FNDC1: variants seen among roughly 807,000 people sequenced by gnomAD.
FNDC1 encodes the protein fibronectin type III domain-containing protein 1.
In FNDC1, 96 loss-of-function variants were observed where a neutral mutation model predicts 168.0. The ratio of observed to expected loss-of-function variants is 0.57; its 90% confidence interval spans 0.48 to 0.68. The LOEUF (loss-of-function observed/expected upper bound fraction) is 0.68, where lower values mean the gene tolerates loss of function less well. Ranked by LOEUF, FNDC1 falls within the 30% of genes least tolerant of loss-of-function variation. The probability of loss-of-function intolerance (pLI) is 0.00; values close to 1 mark genes in which losing one functional copy is unlikely to be tolerated. For missense variants in FNDC1, 2,587 were observed against 2,482.1 expected, an observed-to-expected ratio of 1.04 and a Z score of -0.90; for synonymous variants, 1,099 against 1,025.9, an observed-to-expected ratio of 1.07 and a Z score of -1.36.
intron 4 of FNDC1, among the ~76,000 whole-genome samples, chr6:159,203,532 C>T (rs113825098): frequency 5.9e-5 from 9 of 152,266 alleles, no homozygotes; most frequent in African/African-American, 1.9e-4. Flanking sequence ...GAATGCAGCA[C>T]GAGGGCAGCA....
At chr6:159,271,300 T>G in intron 22 of FNDC1, 27 bp from the exon 23 acceptor site, 3 of 1,541,036 alleles carry the variant, frequency 1.9e-6, no homozygotes, top group Non-Finnish European at 1.8e-6. Flanking sequence ...CCTCTGACGC[T>G]TTTCCCCTCT....
intron 14 of FNDC1, among the ~76,000 whole-genome samples, chr6:159,241,999 A>T (rs186941770): frequency 6.6e-6 from 1 of 152,318 alleles, no homozygotes; most frequent in African/African-American, 2.4e-5. Flanking sequence ...GTGATAAGAA[A>T]TTAAATTTTT....
chr6:159,190,120 G>A (rs556043109), intron 1 of FNDC1, among the ~76,000 whole-genome samples: 1 of 152,292 alleles, frequency 6.6e-6, no homozygotes, highest in South Asian at 2.1e-4. Context: ...CCAGGGCATC[G>A]CCTGAAGGTG....
At chr6:159,200,450 C>A in intron 3 of FNDC1, 63 bp from the exon 4 acceptor site, 1 of 1,238,082 alleles carries the variant, frequency 8.1e-7, no homozygotes. Flanking sequence ...TATGGATGCA[C>A]TGTAATGTGG....
intron 4 of FNDC1, 102 bp downstream of exon 4, chr6:159,200,683 G>A (rs1782360891): frequency 1.1e-6 from 1 of 882,920 alleles, no homozygotes; most frequent in African/African-American, 1.7e-5. Flanking sequence ...AACCTTCACT[G>A]AGTTCCCATC....
chr6:159,227,199 T>C (rs1782971793), intron 9 of FNDC1, among the ~76,000 whole-genome samples: 1 of 152,348 alleles, frequency 6.6e-6, no homozygotes, highest in South Asian at 2.1e-4. Context: ...GAAAATCTTT[T>C]ATTTTTAATG....
chr6:159,263,436 C>T, intron 19 of FNDC1, among the ~76,000 whole-genome samples: 1 of 152,046 alleles, frequency 6.6e-6, no homozygotes, highest in East Asian at 1.9e-4. Flanking sequence ...AAAGAATGGT[C>T]CAGATTTACC....
intron 10 of FNDC1, among the ~76,000 whole-genome samples, chr6:159,231,433 T>C (rs561354484): frequency 6.6e-6 from 1 of 152,324 alleles, no homozygotes; most frequent in East Asian, 1.9e-4. Flanking sequence ...CCCCATCACT[T>C]TGAGTATAGA....
At position 159,229,887 on chromosome 6, in the gene FNDC1, C is replaced by A. The variant is rs144008570; in HGVS notation, c.1253C>A (p.Thr418Asn). The A allele has an allele frequency of 9.0e-5, 146 of 1,613,992 alleles. 1 individual carries two copies. In the South Asian group the frequency reaches 1.5e-3, roughly 17 times the overall value. ...AKSLTYPGDTTSALVDGLQPG... is the reference protein window; with the variant it reads ...AKSLTYPGDTNSALVDGLQPG... Reference sequence around the variant, plus strand: ...TCCCTCACCTATCCTGGAGACACTACTTCTGCCCTGGTGGATGGTCTGCAG... The same window carrying A: ...TCCCTCACCTATCCTGGAGACACTAATTCTGCCCTGGTGGATGGTCTGCAG... The change falls in exon 10 of 23, where the codon ACT (threonine) becomes AAT (asparagine). Residue 418 changes from threonine (T) to asparagine (N), a missense_variant. Physicochemically the swap from Thr to Asn is moderately conservative, Grantham distance 65 (BLOSUM62 0). Transcript: ENST00000297267.
In FNDC1 at chr6:159,266,073, G is replaced by T; in HGVS notation, c.5285-11G>T. ...TGCTTACCCTTAGCAGGTGTGTTTT[G>T]TGTTGTCAAGGCGGTGAGCCTATCT... is the stretch of plus-strand genomic sequence containing the variant. On this transcript the variant is annotated splice_polypyrimidine_tract_variant and intron_variant, in intron 20 of 22. Transcript: ENST00000297267. The T allele has an allele frequency of 6.2e-7, 1 of 1,613,392 alleles. No individual in the cohort carries two copies. Among genetic ancestry groups the T allele is most frequent in the Admixed American group, 1.7e-5 (1 of 60,024 alleles).
At chr6:159,188,262 G>A (rs1227169252) in intron 1 of FNDC1, among the ~76,000 whole-genome samples, 1 of 152,070 alleles carries the variant, frequency 6.6e-6, no homozygotes, top group African/African-American at 2.4e-5. Flanking sequence ...TTGTAACTTA[G>A]TCTGTCCTCA....
At position 159,232,503 on chromosome 6, in the gene FNDC1, C is replaced by A; in HGVS notation, c.1991C>A (p.Ala664Asp). ...TCCCTCCACCCCAAGGGCGCCTTCG[C>A]CCAGCCCCGGCCAGCCCTGTCCCCC... The part of the protein sequence containing the change: ...VGSLHPKGAF[A>D]QPRPALSPSR... The change falls in exon 11 of 23, where the codon GCC (alanine) becomes GAC (aspartate). Residue 664 changes from alanine (A) to aspartate (D), a missense_variant. By Grantham distance (126) the Ala-to-Asp change is moderately radical. Transcript: ENST00000297267. This position sits in a 1 kb window ranked among gnomAD's most constrained non-coding sequence, Gnocchi z 4.9. 1 of 1,612,338 alleles carries A rather than the reference C, an allele frequency of 6.2e-7. No individual in the cohort carries two copies. The highest frequency in any genetic ancestry group is 8.5e-7 in the Non-Finnish European group (1 of 1,179,290).
intron 7 of FNDC1, among the ~76,000 whole-genome samples, chr6:159,225,098 C>A (rs1414060984): frequency 6.6e-6 from 1 of 152,084 alleles, no homozygotes; most frequent in African/African-American, 2.4e-5. Flanking sequence ...TGAAATGAGT[C>A]TTTTTTGTCT....
Position 159,204,151 on chromosome 6 carries a change from A to T in FNDC1, c.460+3570A>T, listed in dbSNP as rs1013079990. ...CAAGTTCAGCATAGAGTCCACAATT[A>T]CTCCTTGGCCATTTCCAGACGATGC... On this transcript the variant is annotated intron_variant, in intron 4 of 22. Transcript: ENST00000297267. Among the ~76,000 whole-genome samples the T allele has an allele frequency of 1.3e-5, 2 of 151,852 alleles. 1 individual carries two copies. Among genetic ancestry groups the T allele is most frequent in the South Asian group, 4.2e-4 (2 of 4,812 alleles).
At chr6:159,199,845 G>A in intron 2 of FNDC1, 151 bp from the exon 3 acceptor site, 1 of 625,788 alleles carries the variant, frequency 1.6e-6, no homozygotes, top group African/African-American at 1.8e-5. Flanking sequence ...TAAAAAAAGA[G>A]AGACATCTAT....
chr6:159,173,391 A>G (rs2114913584), intron 1 of FNDC1, among the ~76,000 whole-genome samples: 1 of 152,264 alleles, frequency 6.6e-6, no homozygotes, highest in African/African-American at 2.4e-5. Flanking sequence ...CTGTTACTTC[A>G]GTCCTCTTTG....
chr6:159,251,639 G>C, intron 17 of FNDC1, 107 bp downstream of exon 17: 2 of 889,296 alleles, frequency 2.2e-6, no homozygotes, highest in Non-Finnish European at 3.5e-6. Context: ...GAGTGGGTTG[G>C]ATGGGTTGGA....
At chr6:159,203,810 G>A (rs1248508956) in intron 4 of FNDC1, among the ~76,000 whole-genome samples, 2 of 152,174 alleles carry the variant, frequency 1.3e-5, no homozygotes, top group Non-Finnish European at 2.9e-5. Context: ...GGTCAGGACA[G>A]GGACACAGAC....
chr6:159,195,577 G>T (rs1173890194), intron 1 of FNDC1, among the ~76,000 whole-genome samples: 2 of 152,208 alleles, frequency 1.3e-5, no homozygotes, highest in Non-Finnish European at 2.9e-5. Context: ...AGCCATGTTT[G>T]TAGTTGGCTC....
Sources: gnomAD v4.1 joint callset for allele counts (sites outside exome capture counted in the v4.1 genomes callset) on GRCh38, gnomAD v4.1.1 for gene constraint, Gnocchi (gnomAD v3.1) non-coding constraint, MANE v1.5 for transcripts, NCBI Gene and HGNC (gene_info 2026-07-23, HGNC 2026-07-21) for gene names.